Variants in PLA2G4C observed in about 807,000 individuals in gnomAD.
PLA2G4C encodes phospholipase A2 group IVC.
A neutral mutation model predicts 73.8 loss-of-function variants in PLA2G4C; 64 were observed. The ratio of observed to expected loss-of-function variants is 0.87; its 90% CI spans 0.71 to 1.07. PLA2G4C has a LOEUF of 1.07. PLA2G4C is among the 50% of genes least tolerant of loss of function. The probability of loss-of-function intolerance (pLI) is 0.00; values close to 1 mark genes in which losing one functional copy is unlikely to be tolerated. For synonymous variants in PLA2G4C, 254 were observed against 252.1 expected (o/e 1.01, Z -0.07); for missense variants, 622 against 665.4 (o/e 0.93, Z 0.72).
At chr19:48,080,689 G>A (rs1310939486) in intron 10 of PLA2G4C, among the ~76,000 whole-genome samples, 2 of 151,806 alleles carry the variant, frequency 1.3e-5, no homozygotes, top group African/African-American at 2.4e-5. Flanking sequence ...CACATCTGTA[G>A]TCCCAGCTAC....
Position 48,099,691 on chromosome 19 carries a change from T to A in PLA2G4C, c.427A>T (p.Ile143Phe). 1.2e-6 allele frequency: 2 copies of A among 1,613,464 alleles called. No homozygotes were observed. Among genetic ancestry groups the A allele is most frequent in the Non-Finnish European group, 1.7e-6 (2 of 1,179,760 alleles). ...CTTACTTCTCTGGTTTGCTTAGAGA[T>A]AACCATGTAGGCCCAGAAGTCGGTC... ...SLTDFWAYMVISKQTRELPES... is the reference protein window; with the variant it reads ...SLTDFWAYMVFSKQTRELPES... Residue 143 changes from isoleucine (I) to phenylalanine (F), a missense_variant, in exon 5 of 17, where the codon ATC (isoleucine) becomes TTC (phenylalanine). By Grantham distance (21) the Ile-to-Phe change is conservative (BLOSUM62 0). Coordinates refer to ENST00000599921, the MANE Select transcript of PLA2G4C (RefSeq NM_003706.3).
chr19:48,085,586 C>T (rs1208173070), intron 9 of PLA2G4C, among the ~76,000 whole-genome samples: 4 of 152,284 alleles, frequency 2.6e-5, no homozygotes, highest in South Asian at 2.1e-4. Context: ...GCTGGCATAC[C>T]CCTCCCACTT....
At chr19:48,056,417 A>C (rs1967943000) in intron 14 of PLA2G4C, among the ~76,000 whole-genome samples, 1 of 152,118 alleles carries the variant, frequency 6.6e-6, no homozygotes, top group African/African-American at 2.4e-5. Flanking sequence ...GCATGTTAGC[A>C]GGTGCCTGTA....
intron 2 of PLA2G4C, 31 bp from the exon 3 acceptor site, chr19:48,105,475 A>G (rs1568456697): frequency 6.5e-7 from 1 of 1,544,260 alleles, no homozygotes; most frequent in African/African-American, 1.4e-5. Context: ...AGAAGTCCAG[A>G]AAATTCACAG....
intron 10 of PLA2G4C, among the ~76,000 whole-genome samples, chr19:48,081,852 G>A (rs1372231969): frequency 6.7e-6 from 1 of 150,146 alleles, no homozygotes; most frequent in Non-Finnish European, 1.5e-5. Flanking sequence ...AGGCTGAGGC[G>A]GGCAGATTGC....
intron 9 of PLA2G4C, among the ~76,000 whole-genome samples, chr19:48,085,725 CT>C (rs11564585): frequency 0.027 from 4,182 of 152,252 alleles, 150 homozygotes; most frequent in African/African-American, 0.084. Context: ...GCAGCCTATA[CT>C]GTGACTCAAG....
chr19:48,090,938 A>G (rs34342708), intron 7 of PLA2G4C, among the ~76,000 whole-genome samples: 14,101 of 151,962 alleles, frequency 0.093, 1,396 homozygotes, highest in African/African-American at 0.25. Context: ...CCAGGAGTTC[A>G]AGACCTGTAT....
At chr19:48,057,781 C>T (rs1968013535) in intron 14 of PLA2G4C, among the ~76,000 whole-genome samples, 1 of 150,782 alleles carries the variant, frequency 6.6e-6, no homozygotes, top group African/African-American at 2.4e-5. Flanking sequence ...TGAGCCACCG[C>T]ACCCGGCTTC....
At chr19:48,054,752 T>C in intron 15 of PLA2G4C, 126 bp downstream of exon 15, 1 of 919,798 alleles carries the variant, frequency 1.1e-6, no homozygotes, top group Non-Finnish European at 1.7e-6. Context: ...TCTCAATCCA[T>C]GCTGAACTGT....
intron 13 of PLA2G4C, among the ~76,000 whole-genome samples, chr19:48,062,932 G>C (rs1968247385): frequency 6.6e-6 from 1 of 152,140 alleles, no homozygotes; most frequent in East Asian, 1.9e-4. Context: ...AGACATTTTA[G>C]GAAGACCCGA....
chr19:48,053,071 T>C lies in PLA2G4C; in HGVS notation c.1506A>G (p.Leu502=). The C allele has an allele frequency of 1.2e-6, 2 of 1,612,626 alleles. No individual in the cohort carries two copies. Among genetic ancestry groups the C allele is most frequent in the Non-Finnish European group, 1.7e-6 (2 of 1,178,774 alleles). ...CATTCTTCTTGGCTAATGCCAAGAG[T>C]AGCACCACCACATCTAGAGTGTAGG... is the stretch of plus-strand genomic sequence containing the variant. ...ADTYTLDVVV[L]LLALAKKNVR... The change falls in exon 16 of 17, where the codon CTA becomes CTG. Residue 502 remains leucine (L), a synonymous_variant. Transcript: ENST00000599921.
intron 14 of PLA2G4C, among the ~76,000 whole-genome samples, chr19:48,056,949 C>T (rs549597273): frequency 6.6e-6 from 1 of 151,624 alleles, no homozygotes; most frequent in African/African-American, 2.4e-5. Context: ...CATGGACACA[C>T]AGAGGAGAAC....
At chr19:48,101,645 T>G (rs1023063125) in intron 4 of PLA2G4C, among the ~76,000 whole-genome samples, 1 of 151,806 alleles carries the variant, frequency 6.6e-6, no homozygotes, top group African/African-American at 2.4e-5. Flanking sequence ...TGGAACAAGC[T>G]GGGTATGAAA....
chr19:48,074,854 G>C lies in PLA2G4C; in HGVS notation c.919C>G (p.His307Asp). Residue 307 changes from histidine (H) to aspartate (D), a missense_variant, in exon 12 of 17, where the codon CAC becomes GAC. Physicochemically the swap from His to Asp is moderately conservative, Grantham distance 81. Transcript: ENST00000599921. ...PPEDEGGEPE[H>D]TWLTEMLENW... ...TCGAGCATCTCAGTCAGCCAGGTGT[G>C]TTCAGGCTCACCGCCTTCATCTACG... 6.2e-7 allele frequency: 1 copy of C among 1,609,328 alleles called. No individual in the cohort carries two copies. The highest frequency in any genetic ancestry group is 8.5e-7 in the Non-Finnish European group (1 of 1,177,662).
intron 14 of PLA2G4C, among the ~76,000 whole-genome samples, chr19:48,055,731 C>T (rs1049886101): frequency 2.6e-5 from 4 of 152,214 alleles, no homozygotes; most frequent in Admixed American, 2.6e-4. Context: ...ACCTCCGCCT[C>T]CCTGGTCCAA....
At chr19:48,078,871 CTTT>C (rs33976382) in intron 10 of PLA2G4C, among the ~76,000 whole-genome samples, 2 of 137,956 alleles carry the variant, frequency 1.4e-5, no homozygotes, top group Admixed American at 7.4e-5. Context: ...TCCTAAAATC[CTTT>C]TTTTTTTTTT....
chr19:48,089,409 T>C (rs915796484), intron 8 of PLA2G4C, among the ~76,000 whole-genome samples: 4 of 152,030 alleles, frequency 2.6e-5, no homozygotes, highest in Admixed American at 2.6e-4. Flanking sequence ...AGAGCAAAAC[T>C]CTGTCTCAAA....
intron 14 of PLA2G4C, 83 bp from the exon 15 acceptor site, chr19:48,055,132 G>C: frequency 8.6e-7 from 1 of 1,158,586 alleles, no homozygotes; most frequent in Non-Finnish European, 1.2e-6. Context: ...GAGACCCAAT[G>C]GGACCTCAGC....
At position 48,095,461 on chromosome 19, in the gene PLA2G4C, G is replaced by C; in HGVS notation, c.709+3C>G. 6.2e-7 allele frequency: 1 copy of C among 1,613,878 alleles called. No homozygotes were observed. The highest frequency in any genetic ancestry group is 8.5e-7 in the Non-Finnish European group (1 of 1,179,904). On this transcript the variant is annotated splice_donor_region_variant and intron_variant, in intron 7 of 16. Transcript: ENST00000599921. Reference sequence around the variant, plus strand: ...TTTAATCCCCTCTGACCCCAGCGCTGACCTCTCAGGAAAGTCAGGTCTCTC... The same window carrying C: ...TTTAATCCCCTCTGACCCCAGCGCTCACCTCTCAGGAAAGTCAGGTCTCTC...
Sources: allele counts gnomAD v4.1 joint callset (sites outside exome capture counted in the v4.1 genomes callset), GRCh38; gene constraint gnomAD v4.1.1; transcripts MANE v1.5; gene names NCBI Gene and HGNC (gene_info 2026-07-23, HGNC 2026-07-21).